HACD3: variants seen among roughly 807,000 people sequenced by gnomAD.
HACD3 encodes the protein 3-hydroxyacyl-CoA dehydratase 3, also known as very-long-chain (3R)-3-hydroxyacyl-CoA dehydratase 3.
In HACD3, 30 loss-of-function variants were observed where a neutral mutation model predicts 55.2. That is an observed-to-expected ratio of 0.54 (90% CI 0.41 to 0.74). The LOEUF is 0.74. Among genes scored for constraint, HACD3 ranks in the 30% least tolerant of loss-of-function variants. HACD3 has a pLI of 0.00. For missense variants in HACD3, 363 were observed against 440.1 expected, an observed-to-expected ratio of 0.82 and a Z score of 1.57; for synonymous variants, 141 against 151.7, an observed-to-expected ratio of 0.93 and a Z score of 0.52.
In HACD3 at chr15:65,556,750, A is replaced by AGGCTAGGTAAACATTTAC. The variant is rs2072194954; in HGVS notation, c.216_217insGGCTAGGTAAACATTTAC (p.Lys72_Leu73insGlyTer). ...ACTTTCTCTCCTAGCCTGTTTACAA[A>AGGCTAGGTAAACATTTAC]CTGACCCAGAGGCAGGTAAACATTA... On this transcript the variant is annotated stop_gained and inframe_insertion, in exon 4 of 11. Coordinates refer to ENST00000261875, the MANE Select transcript of HACD3 (RefSeq NM_016395.4). LOFTEE classifies it high-confidence loss of function. 1 of 1,608,326 alleles carries AGGCTAGGTAAACATTTAC rather than the reference A, an allele frequency of 6.2e-7. No homozygotes were observed. The highest frequency in any genetic ancestry group is 8.5e-7 in the Non-Finnish European group (1 of 1,176,400).
chr15:65,545,744 C>T (rs649438), intron 1 of HACD3, among the ~76,000 whole-genome samples: 134,305 of 151,948 alleles, frequency 0.88, 60,085 homozygotes, highest in East Asian at 0.95. Context: ...GTGAGCCACC[C>T]GTGGCCGATT....
chr15:65,570,098 G>T lies in HACD3; in HGVS notation c.668G>T (p.Gly223Val). The change falls in exon 8 of 11, where the codon GGA (glycine) becomes GTA (valine). Residue 223 changes from glycine to valine, a missense_variant. Transcript: ENST00000261875. ...PVLPSLIQLL[G>V]RNFILFIIFG... is the part of the protein sequence containing the mutation. ...TTTGGGTCTTTCTAATAGCTTCTTGGAAGAAATTTTATTTTGTTTATCATC... is the reference window on the plus strand; with the variant it reads ...TTTGGGTCTTTCTAATAGCTTCTTGTAAGAAATTTTATTTTGTTTATCATC... 6.3e-7 allele frequency: 1 copy of T among 1,599,968 alleles called. No individual in the cohort carries two copies. Among genetic ancestry groups the T allele is most frequent in the African/African-American group, 1.3e-5 (1 of 74,472 alleles).
At chr15:65,548,845 C>T (rs1192850258) in intron 1 of HACD3, among the ~76,000 whole-genome samples, 1 of 152,154 alleles carries the variant, frequency 6.6e-6, no homozygotes, top group Non-Finnish European at 1.5e-5. Context: ...GGATTATAGG[C>T]ATGAGCTACC....
At chr15:65,556,548 G>A (rs2072192049) in intron 3 of HACD3, among the ~76,000 whole-genome samples, 191 bp from the exon 4 acceptor site, 1 of 152,156 alleles carries the variant, frequency 6.6e-6, no homozygotes, top group African/African-American at 2.4e-5. Context: ...AACAGGCCAT[G>A]GACCAGTATC....
chr15:65,555,754 G>T (rs1850429317), intron 3 of HACD3, among the ~76,000 whole-genome samples: 1 of 152,144 alleles, frequency 6.6e-6, no homozygotes, highest in African/African-American at 2.4e-5. Context: ...ATTGACCCCT[G>T]TGAAAAAATC....
chr15:65,553,034 A>G (rs1231646801), intron 2 of HACD3: 2 of 152,004 alleles, frequency 1.3e-5, no homozygotes, highest in South Asian at 2.1e-4. Flanking sequence ...ATCATTTTTT[A>G]TGGCTGCATA....
At chr15:65,544,176 C>CA (rs1220074478) in intron 1 of HACD3, among the ~76,000 whole-genome samples, 3 of 150,128 alleles carry the variant, frequency 2.0e-5, no homozygotes, top group Non-Finnish European at 4.4e-5. Flanking sequence ...GACTCCATCT[C>CA]AAAAAAAAGA....
intron 1 of HACD3, among the ~76,000 whole-genome samples, chr15:65,545,347 A>ATT (rs1273338809): frequency 1.3e-5 from 2 of 152,156 alleles, no homozygotes; most frequent in African/African-American, 4.8e-5. Flanking sequence ...AATATGATAC[A>ATT]TTTTACAAGA....
chr15:65,568,343 A>G (rs945429835), intron 7 of HACD3, among the ~76,000 whole-genome samples: 1 of 151,754 alleles, frequency 6.6e-6, no homozygotes, highest in Non-Finnish European at 1.5e-5. Context: ...AATGATTAAG[A>G]TGGTAAAGTT....
At position 65,576,635 on chromosome 15, in the gene HACD3, C is replaced by G; in HGVS notation, c.*256C>G. ...ATGACACCAAAAGGCTCAGCCCACC[C>G]CAACCCTATCTCATGTTCAGTCTGT... On this transcript the variant is annotated 3_prime_UTR_variant, in exon 11 of 11. Coordinates refer to ENST00000261875, the MANE Select transcript of HACD3 (RefSeq NM_016395.4). 2.0e-6 allele frequency: 1 copy of G among 502,132 alleles called. No individual in the cohort carries two copies. The highest frequency in any genetic ancestry group is 3.6e-5 in the Admixed American group (1 of 27,558). 31.1% of individuals were successfully genotyped at this position (502,132 alleles called of 1,614,324 possible).
rs138389377 is a variant in HACD3 at position 65,562,580 on chromosome 15, G to C, written c.422-194G>C. Among the ~76,000 whole-genome samples, 303 of 152,206 alleles carry C rather than the reference G, an allele frequency of 2.0e-3. 1 individual carries two copies. The highest frequency in any genetic ancestry group is 7.0e-3 in the African/African-American group (292 of 41,532). On this transcript the variant is annotated intron_variant, in intron 5 of 10. Transcript: ENST00000261875. ...AGTCCTGCTGAAAATACATGCTGGA[G>C]AGCAATGTTCCTTGTATGTTTCTCT...
In HACD3 at chr15:65,556,879, T is replaced by TG. The variant is rs1280237169; in HGVS notation, c.346dup (p.Ala116GlyfsTer8). ...TTGATCGTTGGCTGGATGAATCTGA[T>TG]GCGGAAATGGAGCTCAGAGCTAAGG... On this transcript the variant is annotated frameshift_variant, in exon 4 of 11. Coordinates refer to ENST00000261875, the MANE Select transcript of HACD3 (RefSeq NM_016395.4). LOFTEE classifies it high-confidence loss of function. The TG allele has an allele frequency of 1.2e-6, 2 of 1,612,730 alleles. No individual in the cohort carries two copies. The highest frequency in any genetic ancestry group is 2.7e-5 in the African/African-American group (2 of 74,862).
At chr15:65,539,026 G>C (rs1464792547) in intron 1 of HACD3, among the ~76,000 whole-genome samples, 1 of 152,134 alleles carries the variant, frequency 6.6e-6, no homozygotes, top group Non-Finnish European at 1.5e-5. Context: ...TGGGAAACCA[G>C]AAACTTTGTG....
At chr15:65,533,801 C>T (rs1292706287) in intron 1 of HACD3, among the ~76,000 whole-genome samples, 3 of 151,338 alleles carry the variant, frequency 2.0e-5, no homozygotes, top group Non-Finnish European at 4.4e-5. Context: ...CCTGTAATCC[C>T]AGCACTATGG....
intron 3 of HACD3, among the ~76,000 whole-genome samples, chr15:65,556,333 A>G (rs1436345497): frequency 6.6e-6 from 1 of 152,230 alleles, no homozygotes; most frequent in African/African-American, 2.4e-5. Flanking sequence ...CAGGCATTAT[A>G]GTCTCATAAA....
intron 7 of HACD3, among the ~76,000 whole-genome samples, chr15:65,567,656 A>G (rs1182720038): frequency 6.6e-6 from 1 of 152,026 alleles, no homozygotes; most frequent in Non-Finnish European, 1.5e-5. Flanking sequence ...GTGTTCATCT[A>G]CAGATGAATG....
chr15:65,558,446 G>A (rs1410991429), intron 4 of HACD3, among the ~76,000 whole-genome samples: 2 of 152,188 alleles, frequency 1.3e-5, no homozygotes, highest in Non-Finnish European at 2.9e-5. Context: ...TTGGAAGCCA[G>A]CTCACTGGGT....
intron 5 of HACD3, among the ~76,000 whole-genome samples, chr15:65,559,835 C>G (rs1308830236): frequency 2.0e-5 from 3 of 152,006 alleles, no homozygotes; most frequent in African/African-American, 7.3e-5. Flanking sequence ...GGATAAACTT[C>G]AAAAATAGAT....
At chr15:65,533,747 A>AC (rs1377232571) in intron 1 of HACD3, among the ~76,000 whole-genome samples, 3 of 150,420 alleles carry the variant, frequency 2.0e-5, no homozygotes, top group Middle Eastern at 3.4e-3. Flanking sequence ...TGTTATTTAA[A>AC]AAAAAAAAAA....
Sources: gnomAD v4.1 joint callset for allele counts (sites outside exome capture counted in the v4.1 genomes callset) on GRCh38, gnomAD v4.1.1 for gene constraint, MANE v1.5 for transcripts, NCBI Gene and HGNC (gene_info 2026-07-23, HGNC 2026-07-21) for gene names.